The following PAM variants were observed in gnomAD, a reference collection of about 807,000 sequenced individuals.
The protein encoded by PAM is peptidylglycine alpha-amidating monooxygenase.
A neutral mutation model predicts 122.1 loss-of-function variants in PAM; 72 were observed. That is an observed-to-expected ratio of 0.59 (90% confidence interval 0.49 to 0.72). The LOEUF is 0.72. Among genes scored for constraint, PAM ranks in the 30% least tolerant of loss-of-function variants. The pLI, the probability that PAM is intolerant of heterozygous loss-of-function variation, is 0.00. For synonymous variants in PAM, 389 were observed against 404.4 expected, an observed-to-expected ratio of 0.96 and a Z score of 0.46; for missense variants, 1,106 against 1,183.7, an observed-to-expected ratio of 0.93 and a Z score of 0.96.
chr5:102,789,623 G>A (rs372691831), intron 1 of PAM, among the ~76,000 whole-genome samples: 3 of 152,036 alleles, frequency 2.0e-5, no homozygotes, highest in East Asian at 1.9e-4. Context: ...CTAGTTGCTC[G>A]GGGCTGGGAG....
rs1192731229 is a variant in PAM at position 102,974,002 on chromosome 5, C to T, written c.1163-114C>T. 3 of 672,074 alleles carry T rather than the reference C, an allele frequency of 4.5e-6. No homozygotes were observed. The African/African-American group carries it at 5.5e-5, about 12-fold the overall frequency. 41.6% of individuals were successfully genotyped at this position (672,074 alleles called of 1,614,324 possible). On this transcript the variant is annotated intron_variant, in intron 14 of 25. Transcript: ENST00000438793. ...CTATGCTTAAAAGTCTGAGTGCAAACTTCTCTCTTATTTATTATGAGAAAT... is the reference window on the plus strand; with the variant it reads ...CTATGCTTAAAAGTCTGAGTGCAAATTTCTCTCTTATTTATTATGAGAAAT...
intron 1 of PAM, among the ~76,000 whole-genome samples, chr5:102,817,965 C>T (rs971559394): frequency 5.0e-5 from 7 of 140,158 alleles, no homozygotes; most frequent in Non-Finnish European, 9.1e-5. Context: ...GCAGTCACCT[C>T]TTTCAGGTCT....
chr5:103,017,079 G>A (rs1192596674), intron 21 of PAM, among the ~76,000 whole-genome samples: 2 of 152,132 alleles, frequency 1.3e-5, no homozygotes, highest in African/African-American at 4.8e-5. Context: ...ACACTTAAAA[G>A]AATTGAAAGT....
chr5:102,886,396 G>C (rs115662896), intron 3 of PAM, among the ~76,000 whole-genome samples: 2,193 of 151,942 alleles, frequency 0.014, 44 homozygotes, highest in African/African-American at 0.051. Flanking sequence ...TAGTAATTTT[G>C]CGGAGTATTG....
chr5:102,905,047 T>C (rs1315161803), intron 4 of PAM, among the ~76,000 whole-genome samples: 2 of 151,570 alleles, frequency 1.3e-5, no homozygotes, highest in Non-Finnish European at 3.0e-5. Flanking sequence ...AAGATAAAAA[T>C]ATGTTTTATA....
At chr5:103,012,873 T>A (rs73179850) in intron 21 of PAM, among the ~76,000 whole-genome samples, 33,051 of 142,016 alleles carry the variant, frequency 0.23, 4,669 homozygotes, top group East Asian at 0.43. Context: ...AAAAAAAAAA[T>A]GAGTTCACTG....
At chr5:102,936,024 A>T (rs1345574327) in intron 7 of PAM, among the ~76,000 whole-genome samples, 2 of 152,194 alleles carry the variant, frequency 1.3e-5, no homozygotes, top group Admixed American at 1.3e-4. Context: ...ATCATTAAAA[A>T]TAAAGGCAAG....
intron 2 of PAM, chr5:102,866,720 C>T (rs564113526): frequency 2.1e-4 from 33 of 155,352 alleles, no homozygotes; most frequent in Admixed American, 5.8e-4. Context: ...TATTTATGTA[C>T]TTGTACATTT....
chr5:103,011,002 G>T (rs1259410800), intron 21 of PAM, among the ~76,000 whole-genome samples: 1 of 152,068 alleles, frequency 6.6e-6, no homozygotes, highest in Non-Finnish European at 1.5e-5. Flanking sequence ...ACACTGTTGT[G>T]CTATCAAATA....
chr5:102,924,049 A>C (rs1427572687), intron 5 of PAM, among the ~76,000 whole-genome samples: 1 of 152,222 alleles, frequency 6.6e-6, no homozygotes, highest in Non-Finnish European at 1.5e-5. Flanking sequence ...AACTTAAAAA[A>C]AATTAAGTAA....
intron 1 of PAM, among the ~76,000 whole-genome samples, chr5:102,842,580 GT>G (rs1778927652): frequency 6.6e-6 from 1 of 152,160 alleles, no homozygotes; most frequent in African/African-American, 2.4e-5. Flanking sequence ...AAATTGCCCA[GT>G]CTTGGGTATG....
chr5:102,792,659 C>G (rs140715946), intron 1 of PAM, among the ~76,000 whole-genome samples: 30 of 152,306 alleles, frequency 2.0e-4, no homozygotes, highest in African/African-American at 7.0e-4. Flanking sequence ...TTTGGAATCT[C>G]TTCTCAGTAC....
chr5:102,961,242 A>AT lies in PAM; in HGVS notation c.1162+16dup. ...GTGTTAGACCAGGGTATGTATGCTTATTTCTATAACTAGTCCTATAAAAGT... is the reference window on the plus strand; with the variant it reads ...GTGTTAGACCAGGGTATGTATGCTTATTTTCTATAACTAGTCCTATAAAAGT... On this transcript the variant is annotated intron_variant, in intron 14 of 25. Transcript: ENST00000438793. The AT allele has an allele frequency of 7.0e-7, 1 of 1,435,682 alleles. No homozygotes were observed. Among genetic ancestry groups the AT allele is most frequent in the Non-Finnish European group, 9.8e-7 (1 of 1,018,886 alleles). The allele number at this position is 1,435,682 out of a possible 1,614,324, so 88.9% of individuals were successfully genotyped here.
Position 102,957,394 on chromosome 5 carries a change from C to T in PAM, c.906-2481C>T, listed in dbSNP as rs1194026911. Reference sequence around the variant, plus strand: ...GGGAATAGAACCTACTGTATCCACGCCCCCCACCCCACCATACAGTCATGA... The same window carrying T: ...GGGAATAGAACCTACTGTATCCACGTCCCCCACCCCACCATACAGTCATGA... On this transcript the variant is annotated intron_variant, in intron 12 of 25. Transcript: ENST00000438793. 2.0e-5 allele frequency among the ~76,000 whole-genome samples: 3 copies of T among 152,060 alleles called. No homozygotes were observed. In the East Asian group the frequency reaches 5.8e-4, roughly 29 times the overall value.
intron 15 of PAM, among the ~76,000 whole-genome samples, chr5:102,976,494 A>G (rs1767716831): frequency 6.6e-6 from 1 of 152,112 alleles, no homozygotes; most frequent in African/African-American, 2.4e-5. Context: ...TCCTCAGGGT[A>G]TAGTCAAAGA....
rs1773653892 is a variant in PAM, at chr5:102,990,333, T to C, written c.1545T>C (p.Ser515=). ...PGVYLLPGQV[S]GVALDPKNNL... is the part of the protein sequence containing the mutation. Reference sequence around the variant, plus strand: ...TATACTTGTTACCAGGCCAGGTTTCTGGGGTGGCTCTAGACCCTAAGAATA... The same window carrying C: ...TATACTTGTTACCAGGCCAGGTTTCCGGGGTGGCTCTAGACCCTAAGAATA... Residue 515 remains serine, a synonymous_variant, in exon 16 of 26, where the codon TCT becomes TCC. Transcript: ENST00000438793. 2 of 1,610,168 alleles carry C rather than the reference T, an allele frequency of 1.2e-6. No individual in the cohort carries two copies. Among genetic ancestry groups the C allele is most frequent in the Non-Finnish European group, 1.7e-6 (2 of 1,177,218 alleles).
chr5:102,924,444 A>C (rs536299642), intron 5 of PAM, among the ~76,000 whole-genome samples: 179 of 151,876 alleles, frequency 1.2e-3, no homozygotes, highest in African/African-American at 2.5e-3. Context: ...AAAAAAAAAA[A>C]AAAAAAACAA....
chr5:102,843,900 C>T (rs1284560270), intron 1 of PAM, among the ~76,000 whole-genome samples: 10 of 152,066 alleles, frequency 6.6e-5, no homozygotes, highest in Non-Finnish European at 2.9e-5. Context: ...TCATACATTG[C>T]TAGTGGGAAT....
intron 3 of PAM, among the ~76,000 whole-genome samples, chr5:102,881,646 A>C (rs958010800): frequency 2.0e-5 from 3 of 151,940 alleles, no homozygotes; most frequent in African/African-American, 7.2e-5. Context: ...ATATTAAGTG[A>C]GAAAAACAAA....
Sources: gnomAD v4.1 joint callset for allele counts (sites outside exome capture counted in the v4.1 genomes callset) on GRCh38, gnomAD v4.1.1 for gene constraint, MANE v1.5 for transcripts, NCBI Gene and HGNC (gene_info 2026-07-23, HGNC 2026-07-21) for gene names.